The following GRIK4 variants were observed in gnomAD, a reference collection of about 807,000 sequenced individuals.
GRIK4 encodes the protein glutamate ionotropic receptor kainate type subunit 4.
Under a neutral mutation model 104.9 loss-of-function variants are expected in GRIK4, and 40 were observed. The observed-to-expected ratio is 0.38, with a 90% CI of 0.30 to 0.50. The LOEUF (loss-of-function observed/expected upper bound fraction) is 0.50. Ranked by LOEUF, GRIK4 falls within the 20% of genes least tolerant of loss-of-function variation. The pLI is 0.93. For synonymous variants in GRIK4, 485 were observed against 524.9 expected, an observed-to-expected ratio of 0.92 and a Z score of 1.04; for missense variants, 1,047 against 1,308.1, an observed-to-expected ratio of 0.80 and a Z score of 3.08.
At chr11:120,763,769 A>G (rs1287959506) in intron 3 of GRIK4, among the ~76,000 whole-genome samples, 1 of 152,134 alleles carries the variant, frequency 6.6e-6, no homozygotes, top group Non-Finnish European at 1.5e-5. Flanking sequence ...TGAGTTTCTT[A>G]ATTCTGAGTT....
rs1476100168 is a variant in GRIK4 at position 120,620,486 on chromosome 11, ATTTC to A, written c.-158-33195_-158-33192del. Among the ~76,000 whole-genome samples the A allele has an allele frequency of 2.2e-4, 34 of 151,904 alleles. 1 individual carries two copies. Among genetic ancestry groups the A allele is most frequent in the Admixed American group, 2.2e-3 (34 of 15,236 alleles). On this transcript the variant is annotated intron_variant, in intron 1 of 20. Transcript: ENST00000527524. The stretch of plus-strand genomic sequence containing the variant: ...CTCAGCTGCCTCCCTGTCCTCAGGT[ATTTC>A]TTTATAGCAATACGAGCACAGACTA...
At position 120,691,097 on chromosome 11, in the gene GRIK4, G is replaced by A. The variant is rs542583055; in HGVS notation, c.82+30697G>A. On this transcript the variant is annotated intron_variant, in intron 3 of 20. Transcript: ENST00000527524. ...AATGGTCTGAATAGGGGGGCAGTCAGGGACCCCTGTTCTGGGGAGTGTTTG... is the reference window on the plus strand; with the variant it reads ...AATGGTCTGAATAGGGGGGCAGTCAAGGACCCCTGTTCTGGGGAGTGTTTG... 1.6e-4 allele frequency among the ~76,000 whole-genome samples: 25 copies of A among 152,334 alleles called. No individual in the cohort carries two copies. The East Asian group carries it at 4.8e-3, about 29-fold the overall frequency.
intron 1 of GRIK4, among the ~76,000 whole-genome samples, chr11:120,516,704 G>A (rs1200068765): frequency 6.6e-6 from 1 of 152,182 alleles, no homozygotes; most frequent in Non-Finnish European, 1.5e-5. Flanking sequence ...GAACAGCAGA[G>A]CGCGCTGACA....
chr11:120,913,245 T>C (rs1943037197), intron 13 of GRIK4, among the ~76,000 whole-genome samples: 1 of 152,018 alleles, frequency 6.6e-6, no homozygotes, highest in Non-Finnish European at 1.5e-5. Context: ...TACAGCCTCA[T>C]CTCCCTGCAG....
At chr11:120,573,112 G>C (rs1030106825) in intron 1 of GRIK4, among the ~76,000 whole-genome samples, 7 of 152,176 alleles carry the variant, frequency 4.6e-5, no homozygotes, top group African/African-American at 1.7e-4. Flanking sequence ...TCGAGGCCAT[G>C]AGCCAGGTTG....
At chr11:120,512,208 C>T (rs1947669903) in intron 1 of GRIK4, among the ~76,000 whole-genome samples, 1 of 151,972 alleles carries the variant, frequency 6.6e-6, no homozygotes, top group African/African-American at 2.4e-5. Flanking sequence ...ATCCCTTCCC[C>T]GGGCTCGCGG....
chr11:120,777,817 A>T (rs1214337690), intron 3 of GRIK4, among the ~76,000 whole-genome samples: 1 of 152,046 alleles, frequency 6.6e-6, no homozygotes, highest in Non-Finnish European at 1.5e-5. Context: ...CGCATCTGTA[A>T]TCCCAGCTAT....
chr11:120,575,221 G>A (rs576327220), intron 1 of GRIK4, among the ~76,000 whole-genome samples: 2 of 152,220 alleles, frequency 1.3e-5, no homozygotes, highest in Admixed American at 6.5e-5. Context: ...GCATTTTGGC[G>A]AATTCTGAAG....
At chr11:120,845,921 A>G (rs1389131552) in intron 8 of GRIK4, among the ~76,000 whole-genome samples, 2 of 152,256 alleles carry the variant, frequency 1.3e-5, no homozygotes, top group East Asian at 3.9e-4. Flanking sequence ...CCAAGGTACC[A>G]CCCTACCCAA....
chr11:120,936,854 C>T (rs1411403952), intron 13 of GRIK4, among the ~76,000 whole-genome samples: 1 of 151,800 alleles, frequency 6.6e-6, no homozygotes, highest in African/African-American at 2.4e-5. Context: ...CTGGCCTGGC[C>T]CCCACCTGCC....
chr11:120,709,158 T>G (rs1303260913), intron 3 of GRIK4, among the ~76,000 whole-genome samples: 2 of 151,962 alleles, frequency 1.3e-5, no homozygotes, highest in Non-Finnish European at 2.9e-5. Flanking sequence ...AAATGTAGAC[T>G]TCAGACCTAC....
At chr11:120,601,708 A>G (rs1565568734) in intron 1 of GRIK4, among the ~76,000 whole-genome samples, 2 of 148,810 alleles carry the variant, frequency 1.3e-5, no homozygotes, top group Non-Finnish European at 3.0e-5. Context: ...TGAGATGAGC[A>G]AAATAAATAA....
chr11:120,532,457 G>A (rs3889505), intron 1 of GRIK4, among the ~76,000 whole-genome samples: 5,153 of 152,238 alleles, frequency 0.034, 289 homozygotes, highest in African/African-American at 0.12. Context: ...TTGTTTAGAC[G>A]TTTTGTGTAA....
At chr11:120,699,667 G>A (rs1241279469) in intron 3 of GRIK4, among the ~76,000 whole-genome samples, 3 of 152,042 alleles carry the variant, frequency 2.0e-5, no homozygotes, top group African/African-American at 7.2e-5. Context: ...TGTTAACATT[G>A]TAGACAGGGT....
intron 3 of GRIK4, among the ~76,000 whole-genome samples, chr11:120,777,637 G>A (rs927521445): frequency 6.6e-5 from 10 of 152,182 alleles, no homozygotes. Flanking sequence ...ATACACTATG[G>A]ACAAAAGGAC....
Position 120,952,787 on chromosome 11 carries a change from C to A in GRIK4, c.1591-68C>A. ...CACACTCACTACCTCCTCTACCCCG[C>A]CCTGCCTGCCCCAAGGTCATGTTGA... On this transcript the variant is annotated intron_variant, in intron 14 of 20. Transcript: ENST00000527524. The surrounding 1 kb of genome is among the most constrained non-coding windows in gnomAD (Gnocchi z 5.2). 1 of 1,067,868 alleles carries A rather than the reference C, an allele frequency of 9.4e-7. No individual in the cohort carries two copies. Among genetic ancestry groups the A allele is most frequent in the Non-Finnish European group, 1.5e-6 (1 of 681,776 alleles). 66.1% of individuals were successfully genotyped at this position (1,067,868 alleles called of 1,614,324 possible). A position where few individuals can be genotyped will look rare whatever the true frequency, so the allele number is the denominator to read the frequency against.
chr11:120,537,907 G>T (rs140259867), intron 1 of GRIK4, among the ~76,000 whole-genome samples: 1 of 152,038 alleles, frequency 6.6e-6, no homozygotes, highest in East Asian at 1.9e-4. Context: ...CTTGTGGAGA[G>T]GATAGACCTA....
intron 3 of GRIK4, among the ~76,000 whole-genome samples, chr11:120,689,284 C>T (rs1256294328): frequency 6.6e-6 from 1 of 152,122 alleles, no homozygotes; most frequent in Non-Finnish European, 1.5e-5. Context: ...GAGCCTCCTA[C>T]CTGCCTCCCA....
intron 11 of GRIK4, among the ~76,000 whole-genome samples, chr11:120,888,735 T>C (rs1325798805): frequency 1.3e-5 from 2 of 152,200 alleles, no homozygotes; most frequent in Admixed American, 1.3e-4. Context: ...TCCATCTATA[T>C]GTAACTGAAA....
Sources: gnomAD v4.1 joint callset for allele counts (sites outside exome capture counted in the v4.1 genomes callset) on GRCh38, gnomAD v4.1.1 for gene constraint, Gnocchi (gnomAD v3.1) non-coding constraint, MANE v1.5 for transcripts, NCBI Gene and HGNC (gene_info 2026-07-23, HGNC 2026-07-21) for gene names.